Variants in FHIT observed in about 807,000 individuals in gnomAD.
FHIT encodes the protein bis(5'-adenosyl)-triphosphatase.
A neutral mutation model predicts 17.9 loss-of-function variants in FHIT; 19 were observed. That is an observed-to-expected ratio of 1.06 (90% CI 0.74 to 1.56). FHIT has a LOEUF of 1.56. Among genes scored for constraint, FHIT ranks in the 40% most tolerant of loss-of-function variants. The pLI is 0.00. For synonymous variants in FHIT, 81 were observed against 69.7 expected, an observed-to-expected ratio of 1.16 and a Z score of -0.81; for missense variants, 248 against 189.2, an observed-to-expected ratio of 1.31 and a Z score of -1.82.
intron 5 of FHIT, among the ~76,000 whole-genome samples, chr3:60,529,233 C>T (rs1253442760): frequency 6.6e-6 from 1 of 151,974 alleles, no homozygotes; most frequent in Non-Finnish European, 1.5e-5. Flanking sequence ...CATTAATTTG[C>T]AATAAATATA....
intron 8 of FHIT, among the ~76,000 whole-genome samples, chr3:59,835,770 A>G (rs1443118229): frequency 2.0e-5 from 3 of 152,188 alleles, no homozygotes; most frequent in African/African-American, 7.2e-5. Context: ...ACACTTGAAG[A>G]CCACTAGCTC....
At chr3:61,068,117 T>A (rs1398973672) in intron 2 of FHIT, among the ~76,000 whole-genome samples, 3 of 152,202 alleles carry the variant, frequency 2.0e-5, no homozygotes, top group African/African-American at 4.8e-5. Context: ...ACTATCCGAA[T>A]AAAGCCAGAA....
chr3:61,161,898 G>A lies in FHIT; in HGVS notation c.-164+38719C>T, dbSNP rs567652602. On this transcript the variant is annotated intron_variant, in intron 2 of 9. Coordinates refer to ENST00000492590, the MANE Select transcript of FHIT (RefSeq NM_002012.4). ...CTAATTCTGTCTCCTTGTACAATACGACCCTGATATGGAAAACAAGGTGTC... is the reference window on the plus strand; with the variant it reads ...CTAATTCTGTCTCCTTGTACAATACAACCCTGATATGGAAAACAAGGTGTC... Among the ~76,000 whole-genome samples the A allele has an allele frequency of 4.6e-5, 7 of 152,218 alleles. No homozygotes were observed. The East Asian group carries it at 7.7e-4, about 17-fold the overall frequency.
intron 5 of FHIT, among the ~76,000 whole-genome samples, chr3:60,527,868 G>T (rs2035633209): frequency 6.6e-6 from 1 of 152,282 alleles, no homozygotes; most frequent in Admixed American, 6.5e-5. Context: ...ATGAACAATG[G>T]AATGAGAATC....
chr3:59,841,290 C>A (rs1041716378), intron 8 of FHIT, among the ~76,000 whole-genome samples: 1 of 152,084 alleles, frequency 6.6e-6, no homozygotes, highest in Non-Finnish European at 1.5e-5. Flanking sequence ...TATGTACCAC[C>A]CAGGTTGCCC....
chr3:61,073,419 C>A (rs758762664), intron 2 of FHIT, among the ~76,000 whole-genome samples: 8 of 152,220 alleles, frequency 5.3e-5, no homozygotes, highest in Admixed American at 6.5e-5. Flanking sequence ...CCAGGCTGAA[C>A]AACCTCCTCT....
intron 5 of FHIT, among the ~76,000 whole-genome samples, chr3:60,329,208 CTTTT>C (rs528792885): frequency 2.0e-4 from 30 of 150,186 alleles, no homozygotes; most frequent in African/African-American, 7.3e-4. Flanking sequence ...AGATTTTCTA[CTTTT>C]TTTTTTCTAA....
At chr3:60,332,095 A>G (rs780685429) in intron 5 of FHIT, among the ~76,000 whole-genome samples, 4 of 152,284 alleles carry the variant, frequency 2.6e-5, no homozygotes, top group East Asian at 3.9e-4. Context: ...TATCTATTCT[A>G]TACTAGGTAC....
intron 5 of FHIT, among the ~76,000 whole-genome samples, chr3:60,124,339 C>G (rs78000227): frequency 6.6e-6 from 1 of 151,874 alleles, no homozygotes; most frequent in African/African-American, 2.4e-5. Context: ...CTTGAGCTAG[C>G]AAGTATCTGC....
chr3:60,063,511 A>C (rs1262119302), intron 5 of FHIT, among the ~76,000 whole-genome samples: 1 of 152,216 alleles, frequency 6.6e-6, no homozygotes, highest in Non-Finnish European at 1.5e-5. Context: ...GCAGAGGCCC[A>C]GAGTGACTGC....
At chr3:60,935,635 A>G (rs971115166) in intron 3 of FHIT, among the ~76,000 whole-genome samples, 2 of 152,228 alleles carry the variant, frequency 1.3e-5, no homozygotes, top group African/African-American at 4.8e-5. Context: ...ACAAGGGTGC[A>G]TCCGTCGATA....
chr3:60,504,137 A>T (rs186761066), intron 5 of FHIT, among the ~76,000 whole-genome samples: 2 of 152,138 alleles, frequency 1.3e-5, no homozygotes, highest in African/African-American at 4.8e-5. Context: ...TGTCAGTCAC[A>T]CTTAAAAAGA....
intron 4 of FHIT, among the ~76,000 whole-genome samples, chr3:60,745,904 T>C (rs1343908295): frequency 3.9e-5 from 6 of 152,176 alleles, no homozygotes; most frequent in Admixed American, 3.9e-4. Flanking sequence ...TGAGTGATCA[T>C]AGCTTTATAC....
At chr3:61,237,387 A>G (rs1489768721) in intron 1 of FHIT, among the ~76,000 whole-genome samples, 1 of 152,182 alleles carries the variant, frequency 6.6e-6, no homozygotes, top group Non-Finnish European at 1.5e-5. Context: ...TTTCTGATTT[A>G]TATTCCTGTC....
At chr3:61,229,192 A>T (rs1299007883) in intron 1 of FHIT, among the ~76,000 whole-genome samples, 1 of 152,184 alleles carries the variant, frequency 6.6e-6, no homozygotes, top group East Asian at 1.9e-4. Flanking sequence ...ATCATACTGG[A>T]TTGTCTGGGT....
chr3:59,959,177 G>C (rs1422895415), intron 7 of FHIT, among the ~76,000 whole-genome samples: 1 of 152,182 alleles, frequency 6.6e-6, no homozygotes, highest in Non-Finnish European at 1.5e-5. Context: ...CCTGTTCTGT[G>C]TGTATAGGGA....
At chr3:60,858,930 T>C (rs1258266419) in intron 3 of FHIT, among the ~76,000 whole-genome samples, 4 of 152,168 alleles carry the variant, frequency 2.6e-5, no homozygotes, top group Non-Finnish European at 5.9e-5. Context: ...ACCATGATAG[T>C]GTTCCCCCAG....
intron 1 of FHIT, among the ~76,000 whole-genome samples, chr3:61,204,664 T>A (rs2039151121): frequency 6.6e-6 from 1 of 152,278 alleles, no homozygotes; most frequent in South Asian, 2.1e-4. Flanking sequence ...CTATGTGTTG[T>A]TTATAAGAAA....
chr3:59,769,913 C>G (rs777487709), intron 8 of FHIT, among the ~76,000 whole-genome samples: 20 of 152,250 alleles, frequency 1.3e-4, no homozygotes, highest in Non-Finnish European at 2.2e-4. Context: ...AATATAAATT[C>G]AAACTGAGGA....
Sources: gnomAD v4.1 joint callset for allele counts (sites outside exome capture counted in the v4.1 genomes callset) on GRCh38, gnomAD v4.1.1 for gene constraint, MANE v1.5 for transcripts, NCBI Gene and HGNC (gene_info 2026-07-23, HGNC 2026-07-21) for gene names.